The following RUNX1T1 variants were observed in gnomAD, a reference collection of about 807,000 sequenced individuals.
RUNX1T1 encodes the protein protein CBFA2T1.
In RUNX1T1, 4 loss-of-function variants were observed where a neutral mutation model predicts 62.8. The observed-to-expected ratio is 0.06, with a 90% CI of 0.03 to 0.15. RUNX1T1 has a LOEUF of 0.15. RUNX1T1 is among the 10% of genes least tolerant of loss of function. RUNX1T1 has a pLI of 1.00. For missense variants in RUNX1T1, 508 were observed against 754.3 expected (o/e 0.67, Z 3.82); for synonymous variants, 291 against 286.0 (o/e 1.02, Z -0.18).
intron 9 of RUNX1T1, among the ~76,000 whole-genome samples, chr8:91,972,940 T>C (rs1013823733): frequency 1.3e-5 from 2 of 152,070 alleles, no homozygotes; most frequent in Admixed American, 6.5e-5. Flanking sequence ...AACTTTTGAG[T>C]GCATTTGTTA....
chr8:91,971,831 T>G (rs1398151682), intron 9 of RUNX1T1, among the ~76,000 whole-genome samples: 1 of 152,094 alleles, frequency 6.6e-6, no homozygotes, highest in African/African-American at 2.4e-5. Flanking sequence ...GGTGCAAAGA[T>G]TCAACTAATG....
At chr8:92,088,398 T>C (rs1459991264) in intron 1 of RUNX1T1, among the ~76,000 whole-genome samples, 1 of 152,206 alleles carries the variant, frequency 6.6e-6, no homozygotes, top group Middle Eastern at 3.2e-3. Flanking sequence ...GTATAGTACT[T>C]CTAGTTTAAG....
At chr8:92,030,277 A>G (rs1292224866) in intron 1 of RUNX1T1, among the ~76,000 whole-genome samples, 1 of 152,216 alleles carries the variant, frequency 6.6e-6, no homozygotes, top group African/African-American at 2.4e-5. Flanking sequence ...ATATAATTGT[A>G]TAATTATTTG....
chr8:92,084,649 A>G (rs1275463733), intron 1 of RUNX1T1, among the ~76,000 whole-genome samples: 2 of 152,202 alleles, frequency 1.3e-5, no homozygotes, highest in East Asian at 3.9e-4. Flanking sequence ...CACGGATGAT[A>G]GCAGAGTTGG....
At chr8:92,022,790 T>C (rs1824372319) in intron 1 of RUNX1T1, among the ~76,000 whole-genome samples, 1 of 152,234 alleles carries the variant, frequency 6.6e-6, no homozygotes, top group Admixed American at 6.5e-5. Context: ...ATGAATAGCA[T>C]TTTTGCTGAA....
chr8:91,986,758 A>T, intron 7 of RUNX1T1, 129 bp downstream of exon 8: 1 of 663,590 alleles, frequency 1.5e-6, no homozygotes, highest in Admixed American at 2.4e-5. Context: ...ATTCTCGCTC[A>T]TTTTTTTTTC....
intron 1 of RUNX1T1, among the ~76,000 whole-genome samples, chr8:92,083,140 A>C (rs1356325734): frequency 6.6e-6 from 1 of 152,216 alleles, no homozygotes; most frequent in Non-Finnish European, 1.5e-5. Flanking sequence ...ATAAAATAAA[A>C]AGTTACAGTG....
chr8:92,014,715 T>C, exon 3 of RUNX1T1: 1 of 1,614,040 alleles, frequency 6.2e-7, no homozygotes, highest in Non-Finnish European at 8.5e-7. Context: ...CAGCTGTTGA[T>C]TAGCCAGAGA....
chr8:92,078,001 G>A (rs1181589539), intron 1 of RUNX1T1, among the ~76,000 whole-genome samples: 1 of 151,978 alleles, frequency 6.6e-6, no homozygotes, highest in East Asian at 1.9e-4. Context: ...AGAGTTTTTT[G>A]AAGTGAATGA....
At position 91,975,978 on chromosome 8, in the gene RUNX1T1, G is replaced by GA. The variant is rs1458893765; in HGVS notation, c.1199-6dup. Reference sequence around the variant, plus strand: ...GAAGGAATTCCCGATGCGCGTCTATGAAAAGGATGGGAAGGGGGTGGAGAG... The same window carrying GA: ...GAAGGAATTCCCGATGCGCGTCTATGAAAAAGGATGGGAAGGGGGTGGAGAG... On this transcript the variant is annotated splice_region_variant and splice_polypyrimidine_tract_variant and intron_variant, in intron 8 of 10. Coordinates refer to ENST00000396218, the Ensembl canonical transcript of RUNX1T1. 14 of 1,608,732 alleles carry GA rather than the reference G, an allele frequency of 8.7e-6. No homozygotes were observed. The African/African-American group carries it at 1.9e-4, about 22-fold the overall frequency.
At chr8:92,102,905 C>G, upstream of RUNX1T1, 1 of 1,515,540 alleles carries the variant, frequency 6.6e-7, no homozygotes, top group Non-Finnish European at 8.8e-7. This position sits in a 1 kb window ranked among gnomAD's most constrained non-coding sequence, Gnocchi z 4.5. Flanking sequence ...CTCCGAGCTG[C>G]AAATAAAACT....
intron 8 of RUNX1T1, among the ~76,000 whole-genome samples, chr8:91,985,677 C>A (rs1441073657): frequency 2.6e-5 from 4 of 152,044 alleles, no homozygotes; most frequent in Non-Finnish European, 5.9e-5. Flanking sequence ...ACAAGATTGT[C>A]TTACAGGCTG....
intron 5 of RUNX1T1, among the ~76,000 whole-genome samples, chr8:92,004,099 T>G (rs1240388118): frequency 6.6e-6 from 1 of 152,194 alleles, no homozygotes; most frequent in East Asian, 1.9e-4. Context: ...TAAGGATAGC[T>G]AAGTCAGTCA....
At chr8:91,965,861 C>T (rs1397755313) in intron 10 of RUNX1T1, among the ~76,000 whole-genome samples, 3 of 152,074 alleles carry the variant, frequency 2.0e-5, no homozygotes, top group Non-Finnish European at 4.4e-5. Flanking sequence ...TCTCCGTTTT[C>T]CTCTTTCGTT....
intron 3 of RUNX1T1, 34 bp from the exon 5 acceptor site, chr8:92,011,125 G>A (rs200286976): frequency 8.5e-7 from 1 of 1,174,404 alleles, no homozygotes. Flanking sequence ...AAATACATTA[G>A]CCTGTTGGTA....
intron 1 of RUNX1T1, among the ~76,000 whole-genome samples, chr8:92,021,462 T>G (rs989284755): frequency 1.3e-5 from 2 of 152,118 alleles, no homozygotes; most frequent in Non-Finnish European, 2.9e-5. Flanking sequence ...TGCCCATTCC[T>G]GCTCAGAACC....
chr8:92,004,255 A>C (rs1820302743), intron 5 of RUNX1T1, among the ~76,000 whole-genome samples: 2 of 152,258 alleles, frequency 1.3e-5, no homozygotes, highest in Non-Finnish European at 2.9e-5. Context: ...AGAGAAAGAA[A>C]GCAAAGTATA....
At chr8:92,073,592 T>C (rs887973467) in intron 2 of RUNX1T1, among the ~76,000 whole-genome samples, 2 of 152,230 alleles carry the variant, frequency 1.3e-5, no homozygotes, top group Non-Finnish European at 1.5e-5. Flanking sequence ...ATGTAAAGTA[T>C]GTGATTTCTG....
chr8:92,079,444 C>T (rs957701413), intron 1 of RUNX1T1, among the ~76,000 whole-genome samples: 4 of 152,092 alleles, frequency 2.6e-5, no homozygotes, highest in African/African-American at 7.2e-5. Flanking sequence ...TTGTGTGTCC[C>T]TCTAATTTGA....
Sources: gnomAD v4.1 joint callset for allele counts (sites outside exome capture counted in the v4.1 genomes callset) on GRCh38, gnomAD v4.1.1 for gene constraint, Gnocchi (gnomAD v3.1) non-coding constraint, MANE v1.5 for transcripts, NCBI Gene and HGNC (gene_info 2026-07-23, HGNC 2026-07-21) for gene names.